The following DTNA variants were observed in gnomAD, a reference collection of about 807,000 sequenced individuals.
DTNA encodes dystrophin-related protein 3.
A neutral mutation model predicts 100.7 loss-of-function variants in DTNA; 43 were observed. That is an observed-to-expected ratio of 0.43 (90% CI 0.33 to 0.55). The LOEUF (loss-of-function observed/expected upper bound fraction) is 0.55, where lower values mean the gene tolerates loss of function less well. Ranked by LOEUF, DTNA falls within the 20% of genes least tolerant of loss-of-function variation. The pLI, the probability that DTNA is intolerant of heterozygous loss-of-function variation, is 0.04. For missense variants in DTNA, 798 were observed against 953.9 expected, an observed-to-expected ratio of 0.84 and a Z score of 2.15; for synonymous variants, 349 against 347.9, an observed-to-expected ratio of 1.00 and a Z score of -0.04.
chr18:34,729,913 A>G (rs1232912923), intron 1 of DTNA, among the ~76,000 whole-genome samples: 3 of 151,948 alleles, frequency 2.0e-5, no homozygotes, highest in African/African-American at 7.3e-5. Context: ...AACCTCCAGG[A>G]CACACTAGAT....
Position 34,812,128 on chromosome 18 carries a change from T to C in DTNA, c.603+15T>C, listed in dbSNP as rs367772080. 1.0e-4 allele frequency: 163 copies of C among 1,613,808 alleles called. No individual in the cohort carries two copies. The highest frequency in any genetic ancestry group is 1.3e-4 in the Non-Finnish European group (155 of 1,179,866). ...TCTCCCAACAGGTAGGAGAAAAATATGTTTAAGGAAGTATCTCTTTCAAAC... is the reference window on the plus strand; with the variant it reads ...TCTCCCAACAGGTAGGAGAAAAATACGTTTAAGGAAGTATCTCTTTCAAAC... On this transcript the variant is annotated intron_variant, in intron 6 of 22. Transcript: ENST00000444659.
intron 1 of DTNA, among the ~76,000 whole-genome samples, chr18:34,602,608 T>A (rs2052117358): frequency 6.6e-6 from 1 of 151,974 alleles, no homozygotes; most frequent in South Asian, 2.1e-4. Context: ...AGTGGTGCGG[T>A]GGCTCATGTC....
At chr18:34,521,009 G>A (rs2042101604) in intron 1 of DTNA, among the ~76,000 whole-genome samples, 1 of 152,160 alleles carries the variant, frequency 6.6e-6, no homozygotes, top group Non-Finnish European at 1.5e-5. Context: ...CACTTATTGA[G>A]CATTCACTAG....
At chr18:34,849,110 T>C (rs973165575) in intron 14 of DTNA, among the ~76,000 whole-genome samples, 1 of 152,184 alleles carries the variant, frequency 6.6e-6, no homozygotes, top group African/African-American at 2.4e-5. Context: ...ATGAGCAAGA[T>C]GGAGGGGATC....
chr18:34,787,047 G>C (rs762638705), intron 3 of DTNA, among the ~76,000 whole-genome samples: 1 of 152,262 alleles, frequency 6.6e-6, no homozygotes, highest in African/African-American at 2.4e-5. Flanking sequence ...GAGCCTAAGA[G>C]ATGCAGCATT....
At chr18:34,844,058 T>A (rs2096327121) in intron 13 of DTNA, among the ~76,000 whole-genome samples, 1 of 152,156 alleles carries the variant, frequency 6.6e-6, no homozygotes, top group Non-Finnish European at 1.5e-5. Flanking sequence ...GAGAAAGATA[T>A]TTCCTTAGAA....
At position 34,820,948 on chromosome 18, in the gene DTNA, A is replaced by C. The variant is rs779300732; in HGVS notation, c.1001+33A>C. On this transcript the variant is annotated intron_variant, in intron 9 of 22. Coordinates refer to ENST00000444659, the MANE Select transcript of DTNA (RefSeq NM_001386795.1). The stretch of plus-strand genomic sequence containing the variant: ...TCCCTACCCTCCCAGTATAGAGACA[A>C]TTTTCTTCAAGGGCACATGTCTGGA... 2.5e-6 allele frequency: 4 copies of C among 1,613,474 alleles called. No individual in the cohort carries two copies. In the South Asian group the frequency reaches 4.4e-5, roughly 18 times the overall value.
chr18:34,520,766 T>C (rs971173442), intron 1 of DTNA, among the ~76,000 whole-genome samples: 2 of 152,172 alleles, frequency 1.3e-5, no homozygotes, highest in Non-Finnish European at 2.9e-5. Flanking sequence ...TCATTGCTGT[T>C]CTCCTGCCAT....
intron 1 of DTNA, among the ~76,000 whole-genome samples, chr18:34,747,263 C>A (rs2091754072): frequency 6.6e-6 from 1 of 152,084 alleles, no homozygotes; most frequent in Non-Finnish European, 1.5e-5. Context: ...CAAGTAAGTT[C>A]ATGTTCAAAC....
chr18:34,828,957 C>A (rs2095930947), intron 10 of DTNA: 1 of 1,495,292 alleles, frequency 6.7e-7, no homozygotes, highest in African/African-American at 1.4e-5. Context: ...GAAATATGTA[C>A]TTTTATTAGG....
At chr18:34,692,790 A>G (rs529192279) in intron 1 of DTNA, among the ~76,000 whole-genome samples, 1 of 152,304 alleles carries the variant, frequency 6.6e-6, no homozygotes, top group African/African-American at 2.4e-5. Flanking sequence ...AGACTGATAG[A>G]ATTTTAGTGC....
At chr18:34,815,652 A>T in intron 6 of DTNA, 1 of 429,828 alleles carries the variant, frequency 2.3e-6, no homozygotes, top group Non-Finnish European at 4.3e-6. Context: ...TGCTCTTGGA[A>T]TTGTTTTTCT....
intron 20 of DTNA, among the ~76,000 whole-genome samples, chr18:34,880,393 G>A (rs1294288125): frequency 1.3e-5 from 2 of 152,122 alleles, no homozygotes; most frequent in African/African-American, 4.8e-5. Flanking sequence ...GGCAAAGCTG[G>A]GACAGAGCTG....
At chr18:34,881,954 C>T in intron 20 of DTNA, 115 bp from the exon 21 acceptor site, 1 of 1,430,344 alleles carries the variant, frequency 7.0e-7, no homozygotes. Flanking sequence ...ATGAAAGTGA[C>T]TTGGAGAACT....
At chr18:34,879,424 G>A (rs1011422433) in intron 19 of DTNA, 127 bp from the exon 20 acceptor site, 1 of 904,586 alleles carries the variant, frequency 1.1e-6, no homozygotes, top group Non-Finnish European at 1.7e-6. Context: ...AAATGTATTT[G>A]ATTAAAATAT....
In DTNA at chr18:34,889,513, T is replaced by C. The variant is rs1211171487; in HGVS notation, c.*1779T>C. On this transcript the variant is annotated 3_prime_UTR_variant, in exon 23 of 23. Transcript: ENST00000444659. ...TGTGATTCACTTTTGCTTCTGGGGCTGGCAAAAACCTTCTCTGAACCCACA... is the reference window on the plus strand; with the variant it reads ...TGTGATTCACTTTTGCTTCTGGGGCCGGCAAAAACCTTCTCTGAACCCACA... 3 of 985,326 alleles carry C rather than the reference T, an allele frequency of 3.0e-6. No homozygotes were observed. The highest frequency in any genetic ancestry group is 3.6e-6 in the Non-Finnish European group (3 of 829,950). The allele number at this position is 985,326 out of a possible 1,614,324, so 61.0% of individuals were successfully genotyped here.
intron 1 of DTNA, among the ~76,000 whole-genome samples, chr18:34,653,223 G>GA (rs1480006135): frequency 6.6e-6 from 1 of 151,596 alleles, no homozygotes; most frequent in African/African-American, 2.4e-5. Flanking sequence ...TCAAAAAAGG[G>GA]AAAAAAACGA....
chr18:34,828,929 G>A, intron 10 of DTNA: 1 of 1,197,964 alleles, frequency 8.3e-7, no homozygotes, highest in Non-Finnish European at 1.2e-6. Flanking sequence ...ATCTAGGGAA[G>A]ACCTGATGTG....
chr18:34,867,774 T>C (rs759082370), intron 17 of DTNA: 1 of 985,454 alleles, frequency 1.0e-6, no homozygotes, highest in Non-Finnish European at 1.2e-6. Context: ...AGAGCCAAAC[T>C]GTGGCAGTGC....
Sources: gnomAD v4.1 joint callset for allele counts (sites outside exome capture counted in the v4.1 genomes callset) on GRCh38, gnomAD v4.1.1 for gene constraint, MANE v1.5 for transcripts, NCBI Gene and HGNC (gene_info 2026-07-23, HGNC 2026-07-21) for gene names.